SOX6: variants seen among roughly 807,000 people sequenced by gnomAD.
SOX6 encodes the protein SRY-box transcription factor 6.
SOX6 carries 11 observed loss-of-function variants against 97.8 expected under a neutral mutation model. That is an observed-to-expected ratio of 0.11 (90% CI 0.07 to 0.19). SOX6 has a LOEUF of 0.19. SOX6 is among the 10% of genes least tolerant of loss of function. SOX6 has a pLI of 1.00. For synonymous variants in SOX6, 360 were observed against 371.4 expected (o/e 0.97, Z 0.35); for missense variants, 810 against 1,039.5 (o/e 0.78, Z 3.04).
At chr11:16,125,708 A>C (rs1023059944) in intron 6 of SOX6, among the ~76,000 whole-genome samples, 4 of 151,992 alleles carry the variant, frequency 2.6e-5, no homozygotes, top group Non-Finnish European at 5.9e-5. Flanking sequence ...CTCAAGCCCA[A>C]AGAGAAGTGG....
chr11:16,062,689 A>C (rs1356767074), intron 9 of SOX6, among the ~76,000 whole-genome samples: 1 of 151,808 alleles, frequency 6.6e-6, no homozygotes, highest in Non-Finnish European at 1.5e-5. Flanking sequence ...AAATAAGCCT[A>C]GCTAAATATT....
At chr11:16,707,874 C>T (rs1324749358) in intron 3 of SOX6, among the ~76,000 whole-genome samples, 2 of 152,082 alleles carry the variant, frequency 1.3e-5, no homozygotes, top group African/African-American at 4.8e-5. Context: ...CTACAAACCC[C>T]CTTCATCAGA....
intron 3 of SOX6, among the ~76,000 whole-genome samples, chr11:16,246,567 T>C (rs549245416): frequency 1.3e-5 from 2 of 152,034 alleles, no homozygotes; most frequent in African/African-American, 4.8e-5. Flanking sequence ...CATTGTGATA[T>C]CTAACTGAAT....
intron 4 of SOX6, among the ~76,000 whole-genome samples, chr11:16,541,515 C>A: frequency 6.6e-6 from 1 of 152,250 alleles, no homozygotes; most frequent in African/African-American, 2.4e-5. Flanking sequence ...AAACTATCAT[C>A]AGAGTGAACA....
chr11:16,696,139 GTTA>G (rs1335142500), intron 3 of SOX6, among the ~76,000 whole-genome samples: 1 of 152,172 alleles, frequency 6.6e-6, no homozygotes, highest in Non-Finnish European at 1.5e-5. Flanking sequence ...TTTGAAAGGT[GTTA>G]TTGATTATAA....
intron 1 of SOX6, among the ~76,000 whole-genome samples, chr11:16,384,348 G>T (rs1393924): frequency 0.18 from 26,792 of 151,640 alleles, 2,867 homozygotes; most frequent in Admixed American, 0.31. Flanking sequence ...TGAGTTCCCT[G>T]TTCAAATCAC....
At chr11:16,124,785 C>T (rs1274503291) in intron 6 of SOX6, among the ~76,000 whole-genome samples, 1 of 151,868 alleles carries the variant, frequency 6.6e-6, no homozygotes, top group African/African-American at 2.4e-5. Context: ...TACCATGAGA[C>T]CTATTTAAGT....
intron 13 of SOX6, among the ~76,000 whole-genome samples, chr11:15,990,851 TA>T (rs1854027344): frequency 6.6e-6 from 1 of 152,240 alleles, no homozygotes; most frequent in South Asian, 2.1e-4. Context: ...TCAGTGAAGT[TA>T]TTATACAGGA....
chr11:16,712,078 TACACACACACAC>T (rs58807051), intron 3 of SOX6, among the ~76,000 whole-genome samples: 101 of 139,998 alleles, frequency 7.2e-4, no homozygotes, highest in African/African-American at 9.8e-4. Flanking sequence ...TAGTATTCCA[TACACACACACAC>T]ACACACACAC....
chr11:15,988,594 G>T (rs977538331), intron 14 of SOX6, among the ~76,000 whole-genome samples: 2 of 152,178 alleles, frequency 1.3e-5, no homozygotes, highest in East Asian at 3.8e-4. Context: ...AAACTGTAGG[G>T]TCTATGAGTA....
chr11:16,103,561 T>C (rs1019945066), intron 7 of SOX6, among the ~76,000 whole-genome samples: 2 of 151,882 alleles, frequency 1.3e-5, no homozygotes, highest in Non-Finnish European at 2.9e-5. Flanking sequence ...AAAAAGATAC[T>C]TGCACATGCA....
chr11:16,539,050 C>T (rs933038641), intron 4 of SOX6, among the ~76,000 whole-genome samples: 1 of 152,142 alleles, frequency 6.6e-6, no homozygotes, highest in Non-Finnish European at 1.5e-5. Flanking sequence ...CGCACTTATC[C>T]TAAAATTGAC....
chr11:16,151,834 A>G (rs1164779431), intron 6 of SOX6, among the ~76,000 whole-genome samples: 3 of 152,194 alleles, frequency 2.0e-5, no homozygotes, highest in African/African-American at 7.2e-5. Flanking sequence ...AGTAAAACTT[A>G]AAATGAAGGT....
intron 15 of SOX6, among the ~76,000 whole-genome samples, chr11:15,982,499 A>G: frequency 6.6e-6 from 1 of 152,074 alleles, no homozygotes; most frequent in Admixed American, 6.6e-5. Context: ...GGACCCCCAC[A>G]GATAACAAAA....
chr11:16,195,352 T>G (rs530767926), intron 4 of SOX6, among the ~76,000 whole-genome samples: 9 of 152,328 alleles, frequency 5.9e-5, no homozygotes, highest in African/African-American at 1.9e-4. Context: ...AAGAGGTATC[T>G]TCCCTCATCT....
At chr11:16,681,170 C>G (rs1391473953) in intron 3 of SOX6, among the ~76,000 whole-genome samples, 1 of 152,176 alleles carries the variant, frequency 6.6e-6, no homozygotes, top group African/African-American at 2.4e-5. Flanking sequence ...TTCTCAGCAC[C>G]ACATCACACT....
intron 3 of SOX6, among the ~76,000 whole-genome samples, chr11:16,273,569 C>G (rs373831589): frequency 2.5e-4 from 38 of 151,960 alleles, no homozygotes; most frequent in African/African-American, 8.7e-4. Context: ...CCACATCTAC[C>G]TCAATATTTT....
intron 4 of SOX6, among the ~76,000 whole-genome samples, chr11:16,532,158 A>C (rs1362439125): frequency 1.3e-5 from 2 of 151,882 alleles, no homozygotes; most frequent in East Asian, 3.8e-4. Context: ...AGTTTGTAAC[A>C]TGCTTCTCAT....
chr11:16,254,259 T>C (rs1853612893), intron 3 of SOX6, among the ~76,000 whole-genome samples: 1 of 152,016 alleles, frequency 6.6e-6, no homozygotes, highest in Non-Finnish European at 1.5e-5. Flanking sequence ...CAGATGTGCA[T>C]ACAAAAAGGA....
Sources: allele counts gnomAD v4.1 joint callset (sites outside exome capture counted in the v4.1 genomes callset), GRCh38; gene constraint gnomAD v4.1.1; transcripts MANE v1.5; gene names NCBI Gene and HGNC (gene_info 2026-07-23, HGNC 2026-07-21).